The following DCDC1 variants were observed in gnomAD, a reference collection of about 807,000 sequenced individuals.
DCDC1 encodes doublecortin domain containing 1, also known as doublecortin domain-containing protein 1.
In DCDC1, 200 loss-of-function variants were observed where a neutral mutation model predicts 178.3. The observed-to-expected ratio is 1.12, with a 90% CI of 1.00 to 1.26. The LOEUF (loss-of-function observed/expected upper bound fraction) is 1.26, where lower values mean the gene tolerates loss of function less well. DCDC1 is among the 50% of genes most tolerant of loss of function. The pLI, the probability that DCDC1 is intolerant of heterozygous loss-of-function variation, is 0.00. For missense variants in DCDC1, 1,983 were observed against 1,749.2 expected, an observed-to-expected ratio of 1.13 and a Z score of -2.38; for synonymous variants, 690 against 604.8, an observed-to-expected ratio of 1.14 and a Z score of -2.07.
At chr11:30,918,988 G>A (rs1295183809) in intron 25 of DCDC1, among the ~76,000 whole-genome samples, 2 of 152,014 alleles carry the variant, frequency 1.3e-5, no homozygotes, top group African/African-American at 4.8e-5. Flanking sequence ...CTTTATGCAT[G>A]TCCCTCCTTA....
intron 9 of DCDC1, among the ~76,000 whole-genome samples, chr11:31,179,155 A>C (rs1968456742): frequency 6.6e-6 from 1 of 152,206 alleles, no homozygotes; most frequent in African/African-American, 2.4e-5. Context: ...TCTAGTTAGA[A>C]TGACTGTCAC....
At chr11:31,346,488 A>G (rs1809253456) in intron 1 of DCDC1, among the ~76,000 whole-genome samples, 2 of 146,080 alleles carry the variant, frequency 1.4e-5, no homozygotes, top group Non-Finnish European at 3.0e-5. Flanking sequence ...AAAAAAAAAA[A>G]GAAATCATTT....
At chr11:31,344,575 T>C (rs1378013955) in intron 1 of DCDC1, among the ~76,000 whole-genome samples, 1 of 152,204 alleles carries the variant, frequency 6.6e-6, no homozygotes, top group African/African-American at 2.4e-5. Flanking sequence ...ATAAAAATAG[T>C]AACCACTTCA....
chr11:31,342,512 T>C (rs999699506), intron 1 of DCDC1, among the ~76,000 whole-genome samples: 2 of 152,240 alleles, frequency 1.3e-5, no homozygotes, highest in African/African-American at 2.4e-5. Context: ...AAGAAAAAGA[T>C]CTGTTTATAC....
In DCDC1 at chr11:31,002,487, C is replaced by A. The variant is rs532868288; in HGVS notation, c.2592-49919G>T. Among the ~76,000 whole-genome samples the A allele has an allele frequency of 1.9e-3, 290 of 152,208 alleles. 3 individuals carry two copies. The highest frequency in any genetic ancestry group is 6.8e-3 in the African/African-American group (282 of 41,526). ...TCCAATACACCCGCCTGCTGTGAGT[C>A]CAACTGTTGGATGGAAGACTAACAA... On this transcript the variant is annotated intron_variant, in intron 20 of 38. Coordinates refer to ENST00000684477, the MANE Select transcript of DCDC1 (RefSeq NM_001387274.1).
rs513139 is a variant in DCDC1, at chr11:30,872,258, T to C, written c.*40+6286A>G. On this transcript the variant is annotated intron_variant, in intron 38 of 38. Coordinates refer to ENST00000684477, the MANE Select transcript of DCDC1 (RefSeq NM_001387274.1). Reference sequence around the variant, plus strand: ...TTTTTGTTGTTGTTGTTTTGTTTTGTTTTTTGTGAATTAGTTCTTTTAAGA... The same window carrying C: ...TTTTTGTTGTTGTTGTTTTGTTTTGCTTTTTGTGAATTAGTTCTTTTAAGA... 3.5e-3 allele frequency among the ~76,000 whole-genome samples: 537 copies of C among 152,186 alleles called. 2 individuals carry two copies. Among genetic ancestry groups the C allele is most frequent in the African/African-American group, 0.012 (507 of 41,520 alleles).
chr11:30,902,461 G>A (rs954134988), intron 32 of DCDC1, among the ~76,000 whole-genome samples: 3 of 151,956 alleles, frequency 2.0e-5, no homozygotes, highest in Non-Finnish European at 2.9e-5. Flanking sequence ...AACAATAATG[G>A]ACTAAGACAA....
Position 31,328,151 on chromosome 11 carries a change from G to C in DCDC1, c.130C>G (p.Pro44Ala). Residue 44 changes from proline (P) to alanine (A), a missense_variant, in exon 3 of 39, where the codon CCA (proline) becomes GCA (alanine). Transcript: ENST00000684477. ...EGTLDGNTVN[P>A]IYKYILNDLP... Reference sequence around the variant, plus strand: ...TCATTCAAAATATATTTGTAAATTGGGTTTACAGTATTCCCATCCAAAGTG... The same window carrying C: ...TCATTCAAAATATATTTGTAAATTGCGTTTACAGTATTCCCATCCAAAGTG... 6.2e-7 allele frequency: 1 copy of C among 1,609,892 alleles called. No individual in the cohort carries two copies. The highest frequency in any genetic ancestry group is 2.2e-5 in the East Asian group (1 of 44,740).
chr11:30,979,931 T>G (rs1485999637), intron 20 of DCDC1, among the ~76,000 whole-genome samples: 3 of 152,206 alleles, frequency 2.0e-5, no homozygotes, highest in Non-Finnish European at 4.4e-5. Flanking sequence ...CAATAGCAAT[T>G]TCCCAAAGTT....
intron 6 of DCDC1, among the ~76,000 whole-genome samples, chr11:31,303,515 T>G (rs1265042948): frequency 6.6e-6 from 1 of 152,164 alleles, no homozygotes; most frequent in Non-Finnish European, 1.5e-5. Flanking sequence ...GTAAAACAGA[T>G]GACAGAAAGG....
chr11:30,992,059 T>C (rs1951021316), intron 20 of DCDC1, among the ~76,000 whole-genome samples: 1 of 152,168 alleles, frequency 6.6e-6, no homozygotes, highest in Non-Finnish European at 1.5e-5. Flanking sequence ...TAAGAGCAAA[T>C]GTTACACAAA....
intron 20 of DCDC1, among the ~76,000 whole-genome samples, chr11:30,962,987 T>C (rs1949198554): frequency 6.6e-6 from 1 of 152,102 alleles, no homozygotes; most frequent in Non-Finnish European, 1.5e-5. Context: ...CCACACTTGA[T>C]CCTGGAGTTC....
At chr11:31,164,444 C>T (rs1474324571) in intron 9 of DCDC1, among the ~76,000 whole-genome samples, 1 of 152,234 alleles carries the variant, frequency 6.6e-6, no homozygotes, top group East Asian at 1.9e-4. Context: ...TTACTGAAGA[C>T]CTTCTAGTGG....
chr11:30,911,511 C>T (rs887009029), intron 27 of DCDC1, 91 bp from the exon 28 acceptor site: 68 of 892,032 alleles, frequency 7.6e-5, no homozygotes, highest in Non-Finnish European at 1.1e-4. Flanking sequence ...CCTCTCAGCT[C>T]CATGCATGCT....
chr11:30,951,099 G>GAT (rs1184766173), intron 21 of DCDC1, among the ~76,000 whole-genome samples: 4 of 152,114 alleles, frequency 2.6e-5, no homozygotes, highest in African/African-American at 9.6e-5. Flanking sequence ...TAATTTTCCA[G>GAT]AAATTCTGCA....
chr11:31,369,434 G>A (rs1354531221), intron 1 of DCDC1, among the ~76,000 whole-genome samples: 1 of 152,130 alleles, frequency 6.6e-6, no homozygotes, highest in Non-Finnish European at 1.5e-5. Flanking sequence ...CTGTAGGGAC[G>A]AGAGTGGCAT....
chr11:31,054,688 T>C (rs1327813028), intron 20 of DCDC1, among the ~76,000 whole-genome samples: 1 of 152,148 alleles, frequency 6.6e-6, no homozygotes, highest in Non-Finnish European at 1.5e-5. Context: ...CCCAAATACT[T>C]ACAGCCAACT....
chr11:31,356,856 T>G (rs1314416434), intron 1 of DCDC1, among the ~76,000 whole-genome samples: 2 of 151,854 alleles, frequency 1.3e-5, no homozygotes, highest in Non-Finnish European at 2.9e-5. Context: ...ATAAATTCCT[T>G]GACACATACA....
chr11:31,286,493 T>A (rs1946848596), intron 7 of DCDC1, among the ~76,000 whole-genome samples: 1 of 151,924 alleles, frequency 6.6e-6, no homozygotes, highest in African/African-American at 2.4e-5. Flanking sequence ...ATTAGAATTA[T>A]TCATTTTTAT....
Sources: gnomAD v4.1 joint callset for allele counts (sites outside exome capture counted in the v4.1 genomes callset) on GRCh38, gnomAD v4.1.1 for gene constraint, MANE v1.5 for transcripts, NCBI Gene and HGNC (gene_info 2026-07-23, HGNC 2026-07-21) for gene names.